The following TRPM7 variants were observed in gnomAD, a reference collection of about 807,000 sequenced individuals.
TRPM7 encodes the protein transient receptor potential cation channel subfamily M member 7, also known as LTRPC ion channel family member 7.
A neutral mutation model predicts 229.7 loss-of-function variants in TRPM7; 134 were observed. That is an observed-to-expected ratio of 0.58 (90% CI 0.51 to 0.67). TRPM7 has a LOEUF of 0.67. Ranked by LOEUF, TRPM7 falls within the 30% of genes least tolerant of loss-of-function variation. The probability of loss-of-function intolerance (pLI) is 0.00; values close to 1 mark genes in which losing one functional copy is unlikely to be tolerated. For missense variants in TRPM7, 1,901 were observed against 2,210.0 expected, an observed-to-expected ratio of 0.86 and a Z score of 2.80; for synonymous variants, 699 against 715.2, an observed-to-expected ratio of 0.98 and a Z score of 0.36.
chr15:50,620,711 A>G (rs1462965265), intron 12 of TRPM7, among the ~76,000 whole-genome samples: 22 of 152,078 alleles, frequency 1.4e-4, no homozygotes, highest in Non-Finnish European at 3.2e-4. Context: ...CGGGTGGATC[A>G]CCTGAGGTCA....
chr15:50,582,321 CCTT>C (rs1298600360), intron 29 of TRPM7: 4 of 151,904 alleles, frequency 2.6e-5, no homozygotes, highest in East Asian at 1.9e-4. Context: ...AATAGTATCT[CCTT>C]CTTTTCTCAT....
intron 29 of TRPM7, 85 bp downstream of exon 29, chr15:50,583,004 C>A: frequency 9.7e-7 from 1 of 1,032,680 alleles, no homozygotes; most frequent in Non-Finnish European, 1.3e-6. Flanking sequence ...TTGATATAGT[C>A]CCAAATATCA....
At chr15:50,585,504 A>C (rs1303785182) in intron 28 of TRPM7, among the ~76,000 whole-genome samples, 1 of 152,218 alleles carries the variant, frequency 6.6e-6, no homozygotes. Context: ...TTTTTTGTTG[A>C]TATCCTTTTT....
At chr15:50,628,516 G>C (rs1197617782) in intron 10 of TRPM7, among the ~76,000 whole-genome samples, 1 of 152,062 alleles carries the variant, frequency 6.6e-6, no homozygotes, top group African/African-American at 2.4e-5. Flanking sequence ...CTGCTGACCA[G>C]GCTGGTCTCA....
intron 13 of TRPM7, among the ~76,000 whole-genome samples, chr15:50,618,152 G>T (rs770512060): frequency 6.6e-6 from 1 of 152,014 alleles, no homozygotes; most frequent in South Asian, 2.1e-4. Flanking sequence ...GGTGATAAAC[G>T]TTTAAAACTT....
intron 25 of TRPM7, among the ~76,000 whole-genome samples, chr15:50,593,121 T>A (rs888696518): frequency 6.6e-6 from 1 of 151,908 alleles, no homozygotes; most frequent in Admixed American, 6.6e-5. Flanking sequence ...AAACCCTGTC[T>A]CTACTAAAAA....
In TRPM7 at chr15:50,559,751, A is replaced by G. The variant is rs1301693354; in HGVS notation, c.*1927T>C. The G allele has an allele frequency of 6.6e-6, 1 of 152,166 alleles. No homozygotes were observed. The highest frequency in any genetic ancestry group is 6.5e-5 in the Admixed American group (1 of 15,274). The allele number at this position is 152,166 out of a possible 1,614,324, so 9.4% of individuals were successfully genotyped here. A position where few individuals can be genotyped will look rare whatever the true frequency, so the allele number is the denominator to read the frequency against. Reference sequence around the variant, plus strand: ...AAATACTTAGAGTAATGTCTGGTACACAGTAGGCACTAAATAAGTGTTAGC... The same window carrying G: ...AAATACTTAGAGTAATGTCTGGTACGCAGTAGGCACTAAATAAGTGTTAGC... On this transcript the variant is annotated 3_prime_UTR_variant, in exon 39 of 39. Coordinates refer to ENST00000646667, the MANE Select transcript of TRPM7 (RefSeq NM_017672.6).
At chr15:50,631,527 T>G in intron 9 of TRPM7, 38 bp from the exon 10 acceptor site, 1 of 1,417,130 alleles carries the variant, frequency 7.1e-7, no homozygotes, top group Non-Finnish European at 9.8e-7. Flanking sequence ...TGCCTTTATA[T>G]TTTTAAAACA....
chr15:50,561,925 G>A (rs956315386), intron 38 of TRPM7, 117 bp from the exon 39 acceptor site: 15 of 1,075,952 alleles, frequency 1.4e-5, no homozygotes, highest in East Asian at 9.1e-5. Context: ...ACGGAGTTTC[G>A]CTCTTGTTGC....
Position 50,557,613 on chromosome 15 carries a change from G to A in TRPM7, c.*4065C>T, listed in dbSNP as rs1432323869. The A allele has an allele frequency of 6.6e-6, 1 of 152,092 alleles. No individual in the cohort carries two copies. The highest frequency in any genetic ancestry group is 2.4e-5 in the African/African-American group (1 of 41,404). The allele number at this position is 152,092 out of a possible 1,614,324, so 9.4% of individuals were successfully genotyped here. ...ATACATATATCGACAGACTGAAGAA[G>A]GTATACTATTAGAGAACATTTGCAG... On this transcript the variant is annotated 3_prime_UTR_variant, in exon 39 of 39. Coordinates refer to ENST00000646667, the MANE Select transcript of TRPM7 (RefSeq NM_017672.6).
chr15:50,581,703 C>A (rs1218046879), intron 29 of TRPM7, among the ~76,000 whole-genome samples: 1 of 151,746 alleles, frequency 6.6e-6, no homozygotes, highest in South Asian at 2.1e-4. Flanking sequence ...TTTTTACTTC[C>A]CCAGTTTGAG....
At chr15:50,660,735 G>A (rs1172987938) in intron 2 of TRPM7, among the ~76,000 whole-genome samples, 3 of 152,140 alleles carry the variant, frequency 2.0e-5, no homozygotes, top group African/African-American at 4.8e-5. Context: ...CTCAGTAAAG[G>A]AGACAATCTC....
chr15:50,638,346 G>A (rs1429964929), intron 6 of TRPM7, among the ~76,000 whole-genome samples: 1 of 111,596 alleles, frequency 9.0e-6, no homozygotes. Context: ...GCGACAGAGC[G>A]AGACTCCGTC....
rs73393785 is a variant in TRPM7 at position 50,576,242 on chromosome 15, T to C, written c.4619-323A>G. Among the ~76,000 whole-genome samples, 894 of 152,176 alleles carry C rather than the reference T, an allele frequency of 5.9e-3. 18 individuals are homozygous for C. The highest frequency in any genetic ancestry group is 0.02 in the African/African-American group (828 of 41,506). ...TCTCTTTGATTCTGATGTTTGGGGG[T>C]TGGGGACTGTAGCCATGTAAATATT... is the stretch of plus-strand genomic sequence containing the variant. On this transcript the variant is annotated intron_variant, in intron 31 of 38. Coordinates refer to ENST00000646667, the MANE Select transcript of TRPM7 (RefSeq NM_017672.6).
At chr15:50,670,133 A>C (rs933856268) in intron 1 of TRPM7, among the ~76,000 whole-genome samples, 1 of 152,150 alleles carries the variant, frequency 6.6e-6, no homozygotes, top group African/African-American at 2.4e-5. Context: ...AAGAGACCTT[A>C]ATAGTTAGGC....
chr15:50,572,155 T>A (rs2053921350), intron 36 of TRPM7, among the ~76,000 whole-genome samples: 1 of 152,132 alleles, frequency 6.6e-6, no homozygotes, highest in Admixed American at 6.5e-5. Flanking sequence ...TGCAGTGACG[T>A]GAGCCTGTAG....
At chr15:50,607,050 T>G in intron 20 of TRPM7, 150 bp downstream of exon 20, 1 of 560,878 alleles carries the variant, frequency 1.8e-6, no homozygotes, top group Non-Finnish European at 3.0e-6. Flanking sequence ...TTGCCATTAT[T>G]TTGGGAACAG....
chr15:50,646,850 T>C (rs973944270), intron 4 of TRPM7, among the ~76,000 whole-genome samples: 1 of 152,178 alleles, frequency 6.6e-6, no homozygotes, highest in Non-Finnish European at 1.5e-5. Flanking sequence ...CTTGTTTATA[T>C]ATATTTAGAC....
chr15:50,573,155 ATGCATAT>A (rs2053969249), intron 36 of TRPM7, among the ~76,000 whole-genome samples: 1 of 152,152 alleles, frequency 6.6e-6, no homozygotes, highest in African/African-American at 2.4e-5. Context: ...CCCTCTATAG[ATGCATAT>A]CGTTCTACCC....
Sources: allele counts gnomAD v4.1 joint callset (sites outside exome capture counted in the v4.1 genomes callset), GRCh38; gene constraint gnomAD v4.1.1; transcripts MANE v1.5; gene names NCBI Gene and HGNC (gene_info 2026-07-23, HGNC 2026-07-21).